RAB27A: variants seen among roughly 807,000 people sequenced by gnomAD.
RAB27A encodes ras-related protein Rab-27A.
RAB27A carries 17 observed loss-of-function variants against 20.8 expected under a neutral mutation model. The observed-to-expected ratio is 0.82, with a 90% CI of 0.56 to 1.23. The LOEUF (loss-of-function observed/expected upper bound fraction) is 1.23, where lower values mean the gene tolerates loss of function less well. Ranked by LOEUF, RAB27A falls within the 50% of genes most tolerant of loss-of-function variation. The probability of loss-of-function intolerance (pLI) is 0.00; values close to 1 mark genes in which losing one functional copy is unlikely to be tolerated. For missense variants in RAB27A, 277 were observed against 266.7 expected (o/e 1.04, Z -0.27); for synonymous variants, 85 against 92.8 (o/e 0.92, Z 0.48).
intron 2 of RAB27A, among the ~76,000 whole-genome samples, chr15:55,310,325 G>T (rs547071606): frequency 2.0e-5 from 3 of 152,160 alleles, no homozygotes; most frequent in African/African-American, 7.2e-5. Flanking sequence ...GCCCTCAATG[G>T]TCAAGCACAC....
chr15:55,259,018 G>C (rs1428474274), intron 2 of RAB27A, among the ~76,000 whole-genome samples: 1 of 152,098 alleles, frequency 6.6e-6, no homozygotes, highest in East Asian at 1.9e-4. Flanking sequence ...GTTTTCCCAT[G>C]TTAGCCAGGC....
At chr15:55,253,105 C>CT (rs1453421183) in intron 2 of RAB27A, among the ~76,000 whole-genome samples, 1 of 150,642 alleles carries the variant, frequency 6.6e-6, no homozygotes, top group Non-Finnish European at 1.5e-5. Context: ...GCACTCCAGC[C>CT]TGGGTGACAG....
Position 55,203,233 on chromosome 15 carries a change from C to G in RAB27A, c.*2274G>C, listed in dbSNP as rs1326322171. The G allele has an allele frequency of 1.3e-5, 2 of 152,044 alleles. No individual in the cohort carries two copies. The highest frequency in any genetic ancestry group is 2.9e-5 in the Non-Finnish European group (2 of 68,008). The allele number at this position is 152,044 out of a possible 1,614,324, so 9.4% of individuals were successfully genotyped here. On this transcript the variant is annotated 3_prime_UTR_variant, in exon 7 of 7. Transcript: ENST00000336787. The stretch of plus-strand genomic sequence containing the variant: ...TCTATAGCTAATTACTCATTTGGTT[C>G]TTGAAAACTGAAACATGCAAACATT...
chr15:55,202,994 C>CTTTTTT lies in RAB27A; in HGVS notation c.*2512_*2513insAAAAAA, dbSNP rs1320470705. ...GACAGACTAGACCACTTTTTTATTACAGCTTAATTGGCACATGGTTCACTG... is the reference window on the plus strand; with the variant it reads ...GACAGACTAGACCACTTTTTTATTACTTTTTTAGCTTAATTGGCACATGGTTCACTG... On this transcript the variant is annotated 3_prime_UTR_variant, in exon 7 of 7. Coordinates refer to ENST00000336787, the MANE Select transcript of RAB27A (RefSeq NM_183235.3). 1 of 152,166 alleles carries CTTTTTT rather than the reference C, an allele frequency of 6.6e-6. No individual in the cohort carries two copies. The highest frequency in any genetic ancestry group is 1.9e-4 in the East Asian group (1 of 5,194). 9.4% of individuals were successfully genotyped at this position (152,166 alleles called of 1,614,324 possible).
intron 2 of RAB27A, among the ~76,000 whole-genome samples, chr15:55,249,631 C>A (rs896045577): frequency 6.6e-6 from 1 of 152,142 alleles, no homozygotes; most frequent in Non-Finnish European, 1.5e-5. Context: ...AATCTGTACA[C>A]CCTGTTAGTT....
chr15:55,227,931 A>G (rs565669064), intron 5 of RAB27A, among the ~76,000 whole-genome samples: 46 of 152,350 alleles, frequency 3.0e-4, no homozygotes, highest in African/African-American at 9.9e-4. Flanking sequence ...TAACATGACC[A>G]AACAGGGAAA....
chr15:55,280,273 C>T (rs1897980647), intron 1 of RAB27A, among the ~76,000 whole-genome samples: 1 of 152,042 alleles, frequency 6.6e-6, no homozygotes, highest in South Asian at 2.1e-4. Flanking sequence ...TTCCCACTCA[C>T]TTGCTGTGTG....
intron 6 of RAB27A, among the ~76,000 whole-genome samples, chr15:55,221,701 G>C (rs773964389): frequency 5.3e-5 from 8 of 152,200 alleles, no homozygotes; most frequent in Non-Finnish European, 1.0e-4. Context: ...GGCAATTTTG[G>C]GGGTAGGAAG....
intron 2 of RAB27A, among the ~76,000 whole-genome samples, chr15:55,264,131 A>G (rs1012005118): frequency 6.6e-6 from 1 of 152,184 alleles, no homozygotes; most frequent in Admixed American, 6.5e-5. Flanking sequence ...GGCTCATTGC[A>G]ACCTCTGCCT....
At position 55,205,558 on chromosome 15, in the gene RAB27A, G is replaced by C; in HGVS notation, c.615C>G (p.Ala205=). 1 of 1,614,154 alleles carries C rather than the reference G, an allele frequency of 6.2e-7. No individual in the cohort carries two copies. The highest frequency in any genetic ancestry group is 1.1e-5 in the South Asian group (1 of 91,078). The part of the protein sequence containing the change: ...PEGVVRSNGH[A]STDQLSEEKE... ...TTTCTTCACTTAACTGATCCGTAGAGGCATGACCATTTGATCGCACCACTC... is the reference window on the plus strand; with the variant it reads ...TTTCTTCACTTAACTGATCCGTAGACGCATGACCATTTGATCGCACCACTC... The change falls in exon 7 of 7, where the codon GCC becomes GCG. Residue 205 remains alanine, a synonymous_variant. Coordinates refer to ENST00000336787, the MANE Select transcript of RAB27A (RefSeq NM_183235.3).
chr15:55,302,176 C>CAA (rs373778914), intron 2 of RAB27A, among the ~76,000 whole-genome samples: 8,195 of 119,624 alleles, frequency 0.069, 375 homozygotes, highest in Non-Finnish European at 0.099. Context: ...GACTCTGTCT[C>CAA]AAAAAAAAAA....
In RAB27A at chr15:55,205,462, C is replaced by T. The variant is rs778252316; in HGVS notation, c.*45G>A. The T allele has an allele frequency of 3.2e-6, 5 of 1,570,432 alleles. No homozygotes were observed. In the East Asian group the frequency reaches 6.7e-5, roughly 21 times the overall value. On this transcript the variant is annotated 3_prime_UTR_variant, in exon 7 of 7. Coordinates refer to ENST00000336787, the MANE Select transcript of RAB27A (RefSeq NM_183235.3). ...GCCATGTATCAATCATAGAGAAGATCCCAGGCATGGGCCACCTGAACTACT... is the reference window on the plus strand; with the variant it reads ...GCCATGTATCAATCATAGAGAAGATTCCAGGCATGGGCCACCTGAACTACT...
In RAB27A at chr15:55,241,622, A is replaced by G. The variant is rs961029048; in HGVS notation, c.-22-6666T>C. Among the ~76,000 whole-genome samples the G allele has an allele frequency of 3.9e-4, 50 of 126,810 alleles. 1 individual carries two copies. The Middle Eastern group carries it at 0.018, about 47-fold the overall frequency. 83.2% of individuals were successfully genotyped at this position (126,810 alleles called of 152,430 possible). A position where few individuals can be genotyped will look rare whatever the true frequency, so the allele number is the denominator to read the frequency against. On this transcript the variant is annotated intron_variant, in intron 2 of 6. Transcript: ENST00000336787. ...TATTTATATATATATATATATATAT[A>G]TATGTGTGTATATATATTTGTTTTT...
chr15:55,264,407 C>T (rs1350113162), intron 2 of RAB27A, among the ~76,000 whole-genome samples: 1 of 152,102 alleles, frequency 6.6e-6, no homozygotes, highest in Non-Finnish European at 1.5e-5. Flanking sequence ...AGATTTTAAA[C>T]ATTTTTCCAA....
chr15:55,308,211 C>T (rs1226177522), intron 2 of RAB27A, among the ~76,000 whole-genome samples: 1 of 152,098 alleles, frequency 6.6e-6, no homozygotes, highest in African/African-American at 2.4e-5. Flanking sequence ...TCTGATGACC[C>T]CGGCAGTGTA....
In RAB27A at chr15:55,230,497, A is replaced by G; in HGVS notation, c.154-11T>C. ...ACTGGCTCTGTACACCTAAAACAGC[A>G]AAGTGAAAGAGAAAACAAAAGAGAA... On this transcript the variant is annotated splice_polypyrimidine_tract_variant and intron_variant, in intron 3 of 6. Transcript: ENST00000336787. The G allele has an allele frequency of 1.2e-6, 2 of 1,605,644 alleles. No individual in the cohort carries two copies. Among genetic ancestry groups the G allele is most frequent in the African/African-American group, 1.3e-5 (1 of 74,852 alleles).
At chr15:55,306,559 C>T (rs559659279) in intron 2 of RAB27A, among the ~76,000 whole-genome samples, 3 of 152,230 alleles carry the variant, frequency 2.0e-5, no homozygotes, top group Admixed American at 1.3e-4. Context: ...TATGGGTGAA[C>T]TAAGTCCAAC....
intron 2 of RAB27A, among the ~76,000 whole-genome samples, chr15:55,303,533 G>A (rs1595755850): frequency 5.0e-5 from 3 of 59,540 alleles, no homozygotes; most frequent in African/African-American, 2.0e-4. Flanking sequence ...CCCTCTGCCC[G>A]GCCAGCCGCC....
At position 55,315,017 on chromosome 15, in the gene RAB27A, A is replaced by G. The variant is rs190530508; in HGVS notation, c.-233-857T>C. 2.0e-5 allele frequency among the ~76,000 whole-genome samples: 3 copies of G among 152,312 alleles called. No homozygotes were observed. The East Asian group carries it at 5.8e-4, about 29-fold the overall frequency. The stretch of plus-strand genomic sequence containing the variant: ...AAGCTACCTGACTTCAAACTATACA[A>G]AAAGGCTATGGTAACCAAAACACCA... On this transcript the variant is annotated intron_variant, in intron 1 of 5. Transcript: ENST00000563262.
Sources: gnomAD v4.1 joint callset for allele counts (sites outside exome capture counted in the v4.1 genomes callset) on GRCh38, gnomAD v4.1.1 for gene constraint, MANE v1.5 for transcripts, NCBI Gene and HGNC (gene_info 2026-07-23, HGNC 2026-07-21) for gene names.